The following COMP variants were observed in gnomAD, a reference collection of about 807,000 sequenced individuals.
COMP encodes cartilage oligomeric matrix protein.
A neutral mutation model predicts 95.8 loss-of-function variants in COMP; 79 were observed. That is an observed-to-expected ratio of 0.82 (90% CI 0.69 to 0.99). The LOEUF (loss-of-function observed/expected upper bound fraction) is 0.99, where lower values mean the gene tolerates loss of function less well. Among genes scored for constraint, COMP ranks in the 50% least tolerant of loss-of-function variants. The pLI, the probability that COMP is intolerant of heterozygous loss-of-function variation, is 0.00. For synonymous variants in COMP, 438 were observed against 433.9 expected (o/e 1.01, Z -0.12); for missense variants, 906 against 1,076.1 (o/e 0.84, Z 2.21).
chr19:18,787,858 C>CTTTTTG (rs1320406468), intron 9 of COMP, among the ~76,000 whole-genome samples: 5 of 66,322 alleles, frequency 7.5e-5, no homozygotes, highest in Non-Finnish European at 1.3e-4. Flanking sequence ...TTTTCTTTTT[C>CTTTTTG]TTTTTCTCTT....
At position 18,782,915 on chromosome 19, in the gene COMP, C is replaced by T. The variant is rs578142845; in HGVS notation, c.2274G>A (p.Ter758=). Reference sequence around the variant, plus strand: ...ATCCGGCGGGTCCTCACCCTGGTCCCTAGGCTTGCCGCAGCTGATGGGTCT... The same window carrying T: ...ATCCGGCGGGTCCTCACCCTGGTCCTTAGGCTTGCCGCAGCTGATGGGTCT... ...DYETHQLRQA[*] Residue 758 remains the stop codon, a stop_retained_variant, in exon 19 of 19, where the codon TAG becomes TAA. Coordinates refer to ENST00000222271, the MANE Select transcript of COMP (RefSeq NM_000095.3). 4 of 1,611,626 alleles carry T rather than the reference C, an allele frequency of 2.5e-6. No homozygotes were observed. The African/African-American group carries it at 5.3e-5, about 21-fold the overall frequency.
chr19:18,790,858 G>A lies in COMP; in HGVS notation c.157C>T (p.Arg53Trp), dbSNP rs866529712. 3 of 1,564,146 alleles carry A rather than the reference G, an allele frequency of 1.9e-6. No homozygotes were observed. The East Asian group carries it at 7.1e-5, about 37-fold the overall frequency. The change falls in exon 2 of 19, where the codon CGG becomes TGG. Residue 53 changes from arginine (R) to tryptophan (W), a missense_variant. Physicochemically the swap from Arg to Trp is moderately radical, Grantham distance 101. Transcript: ENST00000222271. ...GCACCCGGGCCCCGCACCTGCTGCCGCAGCAGCTCCCGCACGTCCTGCAGC... is the reference window on the plus strand; with the variant it reads ...GCACCCGGGCCCCGCACCTGCTGCCACAGCAGCTCCCGCACGTCCTGCAGC... Reference protein sequence around the residue: ...AALQDVRELLRQQVREITFLK... With the variant: ...AALQDVRELLWQQVREITFLK...
intron 3 of COMP, among the ~76,000 whole-genome samples, chr19:18,790,356 C>T (rs1476595492): frequency 6.6e-6 from 1 of 152,012 alleles, no homozygotes; most frequent in Non-Finnish European, 1.5e-5. Context: ...GCGTCTCTCA[C>T]TTCCCCAAAA....
At position 18,789,057 on chromosome 19, in the gene COMP, C is replaced by A; in HGVS notation, c.528+103G>T. The A allele has an allele frequency of 1.3e-6, 2 of 1,544,008 alleles. No homozygotes were observed. The highest frequency in any genetic ancestry group is 2.3e-5 in the East Asian group (1 of 42,968). On this transcript the variant is annotated intron_variant, in intron 5 of 18. Coordinates refer to ENST00000222271, the MANE Select transcript of COMP (RefSeq NM_000095.3). The surrounding 1 kb of genome is among the most constrained non-coding windows in gnomAD (Gnocchi z 6.1). ...CTGGCGCAGCGGACCCCTCCTCTCC[C>A]CACCCCTCCCGCTGGAAGGAGGCTG... is the stretch of plus-strand genomic sequence containing the variant.
rs1225414726 is a variant in COMP, at chr19:18,790,127, G to T, written c.218-13C>A. ...GACTGCTGCATCCCTGCGGGGGGGA[G>T]GGGGGAGAAGCGGCGGGGCTGATCG... On this transcript the variant is annotated splice_polypyrimidine_tract_variant and intron_variant, in intron 3 of 18. Transcript: ENST00000222271. 14 of 1,519,194 alleles carry T rather than the reference G, an allele frequency of 9.2e-6. No individual in the cohort carries two copies. The highest frequency in any genetic ancestry group is 4.9e-5 in the South Asian group (4 of 82,070). The allele number at this position is 1,519,194 out of a possible 1,614,324, so 94.1% of individuals were successfully genotyped here. A position where few individuals can be genotyped will look rare whatever the true frequency, so the allele number is the denominator to read the frequency against.
At position 18,788,753 on chromosome 19, in the gene COMP, G is replaced by C; in HGVS notation, c.604-3C>G. 1 of 1,577,100 alleles carries C rather than the reference G, an allele frequency of 6.3e-7. No homozygotes were observed. The highest frequency in any genetic ancestry group is 8.6e-7 in the Non-Finnish European group (1 of 1,161,348). ...CACGGGCCGCACTGGAAGGAGCCCT[G>C]CGCCGGAGCCGCCGGAGGTCAGCGC... is the stretch of plus-strand genomic sequence containing the variant. On this transcript the variant is annotated splice_polypyrimidine_tract_variant and splice_region_variant and intron_variant, in intron 6 of 18. Coordinates refer to ENST00000222271, the MANE Select transcript of COMP (RefSeq NM_000095.3). The surrounding 1 kb of genome is among the most constrained non-coding windows in gnomAD (Gnocchi z 4.7).
Position 18,783,611 on chromosome 19 carries a change from A to ATTT in COMP, c.2088-421_2088-419dup, listed in dbSNP as rs34666033. 5.6e-3 allele frequency among the ~76,000 whole-genome samples: 775 copies of ATTT among 138,004 alleles called. 7 individuals carry two copies. Among genetic ancestry groups the ATTT allele is most frequent in the African/African-American group, 0.016 (579 of 37,210 alleles). The allele number at this position is 138,004 out of a possible 152,430, so 90.5% of individuals were successfully genotyped here. A position where few individuals can be genotyped will look rare whatever the true frequency, so the allele number is the denominator to read the frequency against. On this transcript the variant is annotated intron_variant, in intron 17 of 18. Coordinates refer to ENST00000222271, the MANE Select transcript of COMP (RefSeq NM_000095.3). Reference sequence around the variant, plus strand: ...ATGGGCACGTGCCACCATGCCTGGCATTTTTTTTTTTTTTTGAGACAGAGT... The same window carrying ATTT: ...ATGGGCACGTGCCACCATGCCTGGCATTTTTTTTTTTTTTTTTTGAGACAGAGT...
chr19:18,782,899 G>A lies in COMP; in HGVS notation c.*16C>T. 1 of 1,610,352 alleles carries A rather than the reference G, an allele frequency of 6.2e-7. No individual in the cohort carries two copies. The highest frequency in any genetic ancestry group is 8.5e-7 in the Non-Finnish European group (1 of 1,179,900). On this transcript the variant is annotated 3_prime_UTR_variant, in exon 19 of 19. Coordinates refer to ENST00000222271, the MANE Select transcript of COMP (RefSeq NM_000095.3). ...GGTGAGGGTGGCTGTCATCCGGCGG[G>A]TCCTCACCCTGGTCCCTAGGCTTGC...
Position 18,784,289 on chromosome 19 carries a change from C to G in COMP, c.1989G>C (p.Gln663His), listed in dbSNP as rs1009569574. Reference sequence around the variant, plus strand: ...GCGGGTCCTTCCACAGCAGCCGCACCTGGGACTCTGTGTCTCCTGTATGCC... The same window carrying G: ...GCGGGTCCTTCCACAGCAGCCGCACGTGGGACTCTGTGTCTCCTGTATGCC... ...ALWHTGDTES[Q>H]VRLLWKDPRN... The change falls in exon 17 of 19, where the codon CAG becomes CAC. Residue 663 changes from glutamine (Q) to histidine (H), a missense_variant. Physicochemically the swap from Gln to His is conservative, Grantham distance 24. Coordinates refer to ENST00000222271, the MANE Select transcript of COMP (RefSeq NM_000095.3). This position sits in a 1 kb window ranked among gnomAD's most constrained non-coding sequence, Gnocchi z 4.9. 6 of 1,614,018 alleles carry G rather than the reference C, an allele frequency of 3.7e-6. No individual in the cohort carries two copies. In the Admixed American group the frequency reaches 5.0e-5, roughly 13 times the overall value.
In COMP at chr19:18,789,300, G is replaced by A; in HGVS notation, c.391-3C>T. 6.7e-7 allele frequency: 1 copy of A among 1,481,568 alleles called. No homozygotes were observed. The highest frequency in any genetic ancestry group is 2.6e-5 in the Admixed American group (1 of 38,092). 91.8% of individuals were successfully genotyped at this position (1,481,568 alleles called of 1,614,324 possible). On this transcript the variant is annotated splice_polypyrimidine_tract_variant and splice_region_variant and intron_variant, in intron 4 of 18. Coordinates refer to ENST00000222271, the MANE Select transcript of COMP (RefSeq NM_000095.3). This position sits in a 1 kb window ranked among gnomAD's most constrained non-coding sequence, Gnocchi z 6.1. ...GGGAAGCAGGGGTGGGCGTTGCACT[G>A]GGGGAGGAGGGGCCACAGAGGGTCA... is the stretch of plus-strand genomic sequence containing the variant.
chr19:18,785,724 C>T lies in COMP; in HGVS notation c.1617G>A (p.Leu539=), dbSNP rs773740227. 1.9e-6 allele frequency: 3 copies of T among 1,613,436 alleles called. No homozygotes were observed. The Admixed American group carries it at 5.0e-5, about 27-fold the overall frequency. The change falls in exon 14 of 19, where the codon CTG becomes CTA. Residue 539 remains leucine, a synonymous_variant. Transcript: ENST00000222271. ...TDFRAFQTVV[L]DPEGDAQIDP... ...CAATCTGCGCGTCACCCTCCGGGTCCAGCACGACTGTCTGGAAGGCCCTGA... is the reference window on the plus strand; with the variant it reads ...CAATCTGCGCGTCACCCTCCGGGTCTAGCACGACTGTCTGGAAGGCCCTGA...
chr19:18,785,484 TC>T lies in COMP; in HGVS notation c.1717+13del, dbSNP rs1403392175. ...CCGCTCCGTGGCAGGATAGCGCTGC[TC>T]CCCGCTTCTCACCCACAGCCAGGCC... On this transcript the variant is annotated intron_variant, in intron 15 of 18. Coordinates refer to ENST00000222271, the MANE Select transcript of COMP (RefSeq NM_000095.3). 6.2e-7 allele frequency: 1 copy of T among 1,612,802 alleles called. No individual in the cohort carries two copies. Among genetic ancestry groups the T allele is most frequent in the African/African-American group, 1.3e-5 (1 of 74,780 alleles).
chr19:18,785,571 C>A, intron 14 of COMP, 25 bp from the exon 15 acceptor site: 1 of 1,614,014 alleles, frequency 6.2e-7, no homozygotes, highest in Non-Finnish European at 8.5e-7. Flanking sequence ...GAAAGGAGGG[C>A]CTCAGGCTGG....
At position 18,782,944 on chromosome 19, in the gene COMP, A is replaced by G. The variant is rs770795074; in HGVS notation, c.2245T>C (p.Tyr749His). Residue 749 changes from tyrosine (Y) to histidine (H), a missense_variant, in exon 19 of 19, where the codon TAT becomes CAT. Coordinates refer to ENST00000222271, the MANE Select transcript of COMP (RefSeq NM_000095.3). ...GCTTGCCGCAGCTGATGGGTCTCAT[A>G]GTCCTCTGGGATGGTGTCTGCAGGG... ...YRCNDTIPED[Y>H]ETHQLRQA 12 of 1,612,506 alleles carry G rather than the reference A, an allele frequency of 7.4e-6. No homozygotes were observed. In the Admixed American group the frequency reaches 1.7e-4, roughly 22 times the overall value.
At position 18,789,895 on chromosome 19, in the gene COMP, G is replaced by T. The variant is rs776727933; in HGVS notation, c.390+47C>A. 8.8e-6 allele frequency: 14 copies of T among 1,587,006 alleles called. No individual in the cohort carries two copies. Among genetic ancestry groups the T allele is most frequent in the Non-Finnish European group, 1.2e-5 (14 of 1,173,554 alleles). On this transcript the variant is annotated intron_variant, in intron 4 of 18. Transcript: ENST00000222271. This position sits in a 1 kb window ranked among gnomAD's most constrained non-coding sequence, Gnocchi z 6.1. ...CTCCCGGGCGGCGAGAGATTGGGGG[G>T]CGGTAGAGGGAGTCGTCAGGGCGGT... is the stretch of plus-strand genomic sequence containing the variant.
chr19:18,784,307 T>G lies in COMP; in HGVS notation c.1971A>C (p.Thr657=). ...GEQLRNALWH[T]GDTESQVRLL... ...GCCGCACCTGGGACTCTGTGTCTCC[T>G]GTATGCCACAGAGCGTTCCGCAGCT... The change falls in exon 17 of 19, where the codon ACA becomes ACC. Residue 657 remains threonine, a synonymous_variant. Coordinates refer to ENST00000222271, the MANE Select transcript of COMP (RefSeq NM_000095.3). This position sits in a 1 kb window ranked among gnomAD's most constrained non-coding sequence, Gnocchi z 4.9. 1 of 1,614,120 alleles carries G rather than the reference T, an allele frequency of 6.2e-7. No homozygotes were observed.
Position 18,788,391 on chromosome 19 carries a change from C to G in COMP, c.867+19G>C. On this transcript the variant is annotated intron_variant, in intron 8 of 18. Coordinates refer to ENST00000222271, the MANE Select transcript of COMP (RefSeq NM_000095.3). The surrounding 1 kb of genome is among the most constrained non-coding windows in gnomAD (Gnocchi z 4.7). ...GCCCTCCCTCCTGCCCAAGCCCGCC[C>G]CGCTCCGCCCCCACCCACCTTACGG... 3 of 1,592,336 alleles carry G rather than the reference C, an allele frequency of 1.9e-6. No individual in the cohort carries two copies. Among genetic ancestry groups the G allele is most frequent in the Middle Eastern group, 1.7e-4 (1 of 5,912 alleles).
Position 18,785,693 on chromosome 19 carries a change from T to C in COMP, c.1648A>G (p.Asn550Asp), listed in dbSNP as rs2055160636. 6.2e-7 allele frequency: 1 copy of C among 1,613,278 alleles called. No individual in the cohort carries two copies. Among genetic ancestry groups the C allele is most frequent in the African/African-American group, 1.3e-5 (1 of 74,872 alleles). The part of the protein sequence containing the change: ...DPEGDAQIDP[N>D]WVVLNQGREI... ...CCCACCTGGTTGAGCACCACCCAGT[T>C]GGGGTCAATCTGCGCGTCACCCTCC... Residue 550 changes from asparagine to aspartate, a missense_variant, in exon 14 of 19, where the codon AAC becomes GAC. Coordinates refer to ENST00000222271, the MANE Select transcript of COMP (RefSeq NM_000095.3).
intron 13 of COMP, 40 bp from the exon 14 acceptor site, chr19:18,785,891 C>A (rs746513458): frequency 8.7e-6 from 14 of 1,606,720 alleles, no homozygotes; most frequent in Middle Eastern, 1.7e-4. Flanking sequence ...AAAGTCAGGG[C>A]CCGCCCACCG....
Sources: gnomAD v4.1 joint callset for allele counts (sites outside exome capture counted in the v4.1 genomes callset) on GRCh38, gnomAD v4.1.1 for gene constraint, Gnocchi (gnomAD v3.1) non-coding constraint, MANE v1.5 for transcripts, NCBI Gene and HGNC (gene_info 2026-07-23, HGNC 2026-07-21) for gene names.